PTPRK: variants seen among roughly 807,000 people sequenced by gnomAD.
PTPRK encodes protein tyrosine phosphatase receptor type K.
A neutral mutation model predicts 178.0 loss-of-function variants in PTPRK; 75 were observed. That is an observed-to-expected ratio of 0.42 (90% CI 0.35 to 0.51). PTPRK has a LOEUF of 0.51. Ranked by LOEUF, PTPRK falls within the 20% of genes least tolerant of loss-of-function variation. The probability of loss-of-function intolerance (pLI) is 0.02; values close to 1 mark genes in which losing one functional copy is unlikely to be tolerated. For synonymous variants in PTPRK, 637 were observed against 620.6 expected (o/e 1.03, Z -0.39); for missense variants, 1,441 against 1,797.8 (o/e 0.80, Z 3.59).
At chr6:128,400,317 A>C (rs1159086329) in intron 1 of PTPRK, among the ~76,000 whole-genome samples, 1 of 152,164 alleles carries the variant, frequency 6.6e-6, no homozygotes, top group Non-Finnish European at 1.5e-5. Flanking sequence ...ATGGGAATAA[A>C]ACTAGAGGAA....
chr6:128,278,767 G>A (rs528308186), intron 3 of PTPRK, among the ~76,000 whole-genome samples: 2 of 152,228 alleles, frequency 1.3e-5, no homozygotes, highest in South Asian at 2.1e-4. Flanking sequence ...AACATCGAAT[G>A]CACTGTCTGA....
rs1777003618 is a variant in PTPRK, at chr6:128,040,583, GGAACATCTCTCACAT to G, written c.2194+24160_2194+24174del. Among the ~76,000 whole-genome samples the G allele has an allele frequency of 2.0e-5, 3 of 152,088 alleles. No homozygotes were observed. In the South Asian group the frequency reaches 6.2e-4, roughly 32 times the overall value. On this transcript the variant is annotated intron_variant, in intron 13 of 29. Coordinates refer to ENST00000368226, the MANE Select transcript of PTPRK (RefSeq NM_002844.4). ...ACAAGATTGTTTGAATTGAAAATATGGAACATCTCTCACATGAACATCTCTCAGAAAGAGTAACAT... is the reference window on the plus strand; with the variant it reads ...ACAAGATTGTTTGAATTGAAAATATGGAACATCTCTCAGAAAGAGTAACAT...
At chr6:128,176,781 T>A (rs1300595502) in intron 7 of PTPRK, among the ~76,000 whole-genome samples, 3 of 151,760 alleles carry the variant, frequency 2.0e-5, no homozygotes, top group African/African-American at 7.2e-5. Context: ...AGTGAGATCC[T>A]AAGCTGATGA....
intron 7 of PTPRK, among the ~76,000 whole-genome samples, chr6:128,136,818 C>T (rs1335990714): frequency 6.6e-6 from 1 of 152,168 alleles, no homozygotes; most frequent in Non-Finnish European, 1.5e-5. Flanking sequence ...ACTTCATATG[C>T]CCTTCTGTAA....
chr6:128,260,728 T>C (rs530886123), intron 3 of PTPRK, among the ~76,000 whole-genome samples: 65 of 152,304 alleles, frequency 4.3e-4, no homozygotes, highest in African/African-American at 1.5e-3. Context: ...ACAAGCTTAG[T>C]TCTCCGTTCA....
intron 21 of PTPRK, among the ~76,000 whole-genome samples, chr6:127,988,084 T>C (rs780550815): frequency 1.9e-4 from 29 of 151,078 alleles, no homozygotes; most frequent in Non-Finnish European, 3.5e-4. Context: ...CATGTAGTGA[T>C]ATTTTCTTAA....
chr6:128,089,892 G>A lies in PTPRK; in HGVS notation c.1263C>T (p.His421=). 1 of 1,613,064 alleles carries A rather than the reference G, an allele frequency of 6.2e-7. No individual in the cohort carries two copies. Among genetic ancestry groups the A allele is most frequent in the South Asian group, 1.1e-5 (1 of 91,044 alleles). ...GGTAGCAGATAGTGACATTAAAAGT[G>A]TGGCAACGCGTAATGTTGTAACCCA... The part of the protein sequence containing the change: ...ESLGYNITRC[H]TFNVTICYHY... Residue 421 remains histidine, a synonymous_variant, in exon 8 of 30, where the codon CAC becomes CAT. Coordinates refer to ENST00000368226, the MANE Select transcript of PTPRK (RefSeq NM_002844.4).
At chr6:127,990,625 T>G (rs74512226) in intron 21 of PTPRK, 144 bp downstream of exon 21, 2 of 621,348 alleles carry the variant, frequency 3.2e-6, no homozygotes, top group Non-Finnish European at 5.7e-6. Context: ...GTCTGGCACA[T>G]AGTAAACTCT....
intron 1 of PTPRK, among the ~76,000 whole-genome samples, chr6:128,410,957 T>C (rs1489019305): frequency 6.6e-6 from 1 of 152,220 alleles, no homozygotes; most frequent in African/African-American, 2.4e-5. Flanking sequence ...AGTGGCACGA[T>C]CTTGGCTCAC....
chr6:127,999,306 T>A (rs1451271550), intron 15 of PTPRK, among the ~76,000 whole-genome samples: 2 of 151,898 alleles, frequency 1.3e-5, no homozygotes, highest in Admixed American at 6.6e-5. Context: ...CCCAACCATA[T>A]CCCAACCTCC....
chr6:128,276,206 C>T (rs905528740), intron 3 of PTPRK, among the ~76,000 whole-genome samples: 1 of 152,016 alleles, frequency 6.6e-6, no homozygotes, highest in African/African-American at 2.4e-5. Context: ...TTTATGGTAT[C>T]TGTAAGTAAT....
chr6:128,100,454 A>G (rs965783084), intron 7 of PTPRK, among the ~76,000 whole-genome samples: 11 of 151,982 alleles, frequency 7.2e-5, no homozygotes, highest in Non-Finnish European at 1.5e-4. Flanking sequence ...GTGCTGCTAT[A>G]TATTTTATGT....
At chr6:128,488,309 G>A (rs549502732) in intron 1 of PTPRK, among the ~76,000 whole-genome samples, 20 of 152,296 alleles carry the variant, frequency 1.3e-4, no homozygotes, top group African/African-American at 4.8e-4. Flanking sequence ...CAGCTGATTA[G>A]GTGGTGTCCA....
At chr6:128,233,319 T>C (rs543214881) in intron 5 of PTPRK, among the ~76,000 whole-genome samples, 1 of 152,324 alleles carries the variant, frequency 6.6e-6, no homozygotes. Context: ...TGTTTAGAAA[T>C]CATGCTTTAG....
At chr6:128,374,931 C>T (rs953830392) in intron 2 of PTPRK, among the ~76,000 whole-genome samples, 9 of 152,020 alleles carry the variant, frequency 5.9e-5, no homozygotes, top group Non-Finnish European at 4.4e-5. Context: ...GCCAGGCATG[C>T]TCCTAGTTCA....
intron 2 of PTPRK, among the ~76,000 whole-genome samples, chr6:128,384,280 TAGAA>T (rs958979451): frequency 1.3e-5 from 2 of 152,208 alleles, no homozygotes; most frequent in African/African-American, 4.8e-5. Flanking sequence ...TTTTTATCAA[TAGAA>T]AACTTTTCTT....
At chr6:128,084,143 G>A (rs558951713) in intron 8 of PTPRK, among the ~76,000 whole-genome samples, 3 of 152,142 alleles carry the variant, frequency 2.0e-5, no homozygotes, top group East Asian at 1.9e-4. Flanking sequence ...CTCTAATAAC[G>A]TGAGGATCTT....
intron 1 of PTPRK, among the ~76,000 whole-genome samples, chr6:128,454,589 C>G (rs987328056): frequency 6.6e-6 from 1 of 152,166 alleles, no homozygotes; most frequent in African/African-American, 2.4e-5. Flanking sequence ...TATTGTCTAA[C>G]TCCAAAACAT....
At chr6:128,165,644 C>G (rs1343707394) in intron 7 of PTPRK, among the ~76,000 whole-genome samples, 2 of 151,090 alleles carry the variant, frequency 1.3e-5, no homozygotes, top group African/African-American at 4.8e-5. Context: ...AAGGTACACA[C>G]AATTAGGAAA....
Sources: allele counts gnomAD v4.1 joint callset (sites outside exome capture counted in the v4.1 genomes callset), GRCh38; gene constraint gnomAD v4.1.1; transcripts MANE v1.5; gene names NCBI Gene and HGNC (gene_info 2026-07-23, HGNC 2026-07-21).